The following TXNL1 variants were observed in gnomAD, a reference collection of about 807,000 sequenced individuals.
TXNL1 encodes thioredoxin like 1, also known as thioredoxin-like protein 1.
Under a neutral mutation model 35.5 loss-of-function variants are expected in TXNL1, and 14 were observed. That is an observed-to-expected ratio of 0.39 (90% CI 0.26 to 0.62). TXNL1 has a LOEUF of 0.62. Ranked by LOEUF, TXNL1 falls within the 20% of genes least tolerant of loss-of-function variation. The pLI is 0.47. For synonymous variants in TXNL1, 110 were observed against 115.5 expected, an observed-to-expected ratio of 0.95 and a Z score of 0.31; for missense variants, 263 against 349.7, an observed-to-expected ratio of 0.75 and a Z score of 1.98.
At chr18:56,635,820 A>G (rs988429214) in intron 1 of TXNL1, among the ~76,000 whole-genome samples, 3 of 152,234 alleles carry the variant, frequency 2.0e-5, no homozygotes, top group African/African-American at 7.2e-5. Context: ...CAGATGCTCA[A>G]GGGCCTAATA....
intron 7 of TXNL1, among the ~76,000 whole-genome samples, chr18:56,604,843 A>G (rs1488665506): frequency 6.6e-6 from 1 of 152,198 alleles, no homozygotes; most frequent in Non-Finnish European, 1.5e-5. Flanking sequence ...CAAACATAAA[A>G]GAACTTGATG....
rs2024052984 is a variant in TXNL1, at chr18:56,614,588, G to C, written c.571C>G (p.Pro191Ala). The change falls in exon 6 of 8, where the codon CCT becomes GCT. Residue 191 changes from proline to alanine, a missense_variant. Pro to Ala is a conservative substitution (Grantham distance 27). Coordinates refer to ENST00000217515, the MANE Select transcript of TXNL1 (RefSeq NM_004786.3). ...TTGATAAAAATTTTTACATATTTAG[G>C]GCCCTGACCTATACAATGGTAGAAT... ...KFQGPDNGQG[P>A]KYVKIFINLP... is the part of the protein sequence containing the mutation. The C allele has an allele frequency of 1.6e-5, 26 of 1,611,160 alleles. No individual in the cohort carries two copies. The highest frequency in any genetic ancestry group is 2.2e-5 in the Non-Finnish European group (26 of 1,179,268).
At chr18:56,636,889 T>G (rs1052761815) in intron 1 of TXNL1, among the ~76,000 whole-genome samples, 1 of 152,198 alleles carries the variant, frequency 6.6e-6, no homozygotes, top group Non-Finnish European at 1.5e-5. Flanking sequence ...TTTTCTACTG[T>G]GGCCTAGATA....
intron 1 of TXNL1, among the ~76,000 whole-genome samples, chr18:56,634,525 A>T (rs1179216100): frequency 6.6e-6 from 1 of 152,214 alleles, no homozygotes; most frequent in Non-Finnish European, 1.5e-5. Flanking sequence ...AATCCTTAAA[A>T]AATACTCTGG....
At chr18:56,635,862 G>A (rs778981199) in intron 1 of TXNL1, among the ~76,000 whole-genome samples, 1 of 152,102 alleles carries the variant, frequency 6.6e-6, no homozygotes, top group Non-Finnish European at 1.5e-5. Context: ...CATAACCTAC[G>A]ACCATTCTCC....
chr18:56,603,188 T>C, intron 7 of TXNL1, 132 bp from the exon 8 acceptor site: 1 of 780,582 alleles, frequency 1.3e-6, no homozygotes. Context: ...TGCAATGTAT[T>C]TTCACTGTTG....
chr18:56,633,593 C>T (rs1461469554), intron 1 of TXNL1, among the ~76,000 whole-genome samples: 1 of 145,328 alleles, frequency 6.9e-6, no homozygotes. Flanking sequence ...GTACTGCAGC[C>T]TGAGCAACAG....
chr18:56,626,608 G>A (rs1445030813), intron 1 of TXNL1, 151 bp from the exon 2 acceptor site: 10 of 695,936 alleles, frequency 1.4e-5, no homozygotes, highest in East Asian at 2.8e-5. Flanking sequence ...TTTAGACAGA[G>A]TCTCACTCTG....
chr18:56,636,604 A>ATTTT (rs1407460694), intron 1 of TXNL1, among the ~76,000 whole-genome samples: 84 of 152,350 alleles, frequency 5.5e-4, no homozygotes, highest in African/African-American at 1.9e-3. Context: ...TACCTTTTTA[A>ATTTT]ATGTAACAGT....
chr18:56,615,348 C>T (rs545425837), intron 5 of TXNL1, among the ~76,000 whole-genome samples: 2 of 139,574 alleles, frequency 1.4e-5, no homozygotes, highest in East Asian at 2.2e-4. Flanking sequence ...TAAGAAAATG[C>T]TATCTTCTAA....
rs755718474 is a variant in TXNL1, at chr18:56,614,402, A to C, written c.735+22T>G. On this transcript the variant is annotated intron_variant, in intron 6 of 7. Transcript: ENST00000217515. ...TGTTACTCACAAACCTATTAAATACATATGAACGAAATACTACTTACAGTT... is the reference window on the plus strand; with the variant it reads ...TGTTACTCACAAACCTATTAAATACCTATGAACGAAATACTACTTACAGTT... 29 of 1,603,336 alleles carry C rather than the reference A, an allele frequency of 1.8e-5. 1 individual carries two copies. The highest frequency in any genetic ancestry group is 5.1e-5 in the Admixed American group (3 of 59,194).
chr18:56,603,191 C>A, intron 7 of TXNL1, 135 bp from the exon 8 acceptor site: 2 of 752,598 alleles, frequency 2.7e-6, no homozygotes, highest in Non-Finnish European at 2.1e-6. Flanking sequence ...AATGTATTTT[C>A]ACTGTTGAAG....
chr18:56,623,901 C>A, intron 3 of TXNL1, among the ~76,000 whole-genome samples: 1 of 149,030 alleles, frequency 6.7e-6, no homozygotes. Flanking sequence ...ATGGCCATAA[C>A]TAAAACCTGT....
intron 7 of TXNL1, chr18:56,608,162 ATATTAT>A (rs1598911748): frequency 6.6e-6 from 1 of 152,206 alleles, no homozygotes; most frequent in Non-Finnish European, 1.5e-5. Flanking sequence ...ACCATACCAC[ATATTAT>A]TTCCTTCAAT....
intron 1 of TXNL1, among the ~76,000 whole-genome samples, chr18:56,636,287 T>C (rs2024454142): frequency 6.6e-6 from 1 of 152,202 alleles, no homozygotes; most frequent in Non-Finnish European, 1.5e-5. Flanking sequence ...CTGGAGAAAC[T>C]ATGCCCTCAG....
chr18:56,611,937 C>T (rs146606661), intron 6 of TXNL1, among the ~76,000 whole-genome samples: 20 of 151,290 alleles, frequency 1.3e-4, no homozygotes, highest in Non-Finnish European at 2.5e-4. Flanking sequence ...CAACCTCCAC[C>T]TCTCAGGTTC....
rs2023898884 is a variant in TXNL1 at position 56,606,640 on chromosome 18, T to C, written c.841-3584A>G. 1.3e-5 allele frequency among the ~76,000 whole-genome samples: 2 copies of C among 152,174 alleles called. 1 individual carries two copies. The highest frequency in any genetic ancestry group is 4.1e-4 in the South Asian group (2 of 4,838). On this transcript the variant is annotated intron_variant, in intron 7 of 7. Transcript: ENST00000217515. ...AAGTATTCTCAGACTTTCCCAGTCG[T>C]TGGGGGAAAAGGAAAAGTCACCTAG... is the stretch of plus-strand genomic sequence containing the variant.
intron 1 of TXNL1, among the ~76,000 whole-genome samples, chr18:56,634,713 G>A (rs1424948777): frequency 1.3e-5 from 2 of 152,256 alleles, no homozygotes. Flanking sequence ...AAAACTCTTA[G>A]ATGAAAACAT....
intron 5 of TXNL1, among the ~76,000 whole-genome samples, chr18:56,615,390 G>GAAA (rs5825192): frequency 4.1e-5 from 5 of 121,652 alleles, no homozygotes; most frequent in African/African-American, 6.2e-5. Context: ...CCAATCAATC[G>GAAA]AAAAAAAAAA....
Sources: allele counts gnomAD v4.1 joint callset (sites outside exome capture counted in the v4.1 genomes callset), GRCh38; gene constraint gnomAD v4.1.1; transcripts MANE v1.5; gene names NCBI Gene and HGNC (gene_info 2026-07-23, HGNC 2026-07-21).